CSMD1: variants seen among roughly 807,000 people sequenced by gnomAD.
The protein encoded by CSMD1 is CUB and sushi domain-containing protein 1.
A neutral mutation model predicts 417.5 loss-of-function variants in CSMD1; 213 were observed. The ratio of observed to expected loss-of-function variants is 0.51; its 90% confidence interval spans 0.46 to 0.57. CSMD1 has a LOEUF of 0.57. Among genes scored for constraint, CSMD1 ranks in the 20% least tolerant of loss-of-function variants. CSMD1 has a pLI of 0.00. For synonymous variants in CSMD1, 2,862 were observed against 1,736.8 expected (o/e 1.65, Z -16.11); for missense variants, 6,923 against 4,529.7 (o/e 1.53, Z -15.17).
intron 3 of CSMD1, among the ~76,000 whole-genome samples, chr8:4,243,326 C>G (rs1422872943): frequency 6.6e-6 from 1 of 152,074 alleles, no homozygotes; most frequent in Non-Finnish European, 1.5e-5. Flanking sequence ...TCTGAAATTG[C>G]TGTACTAAAG....
At chr8:3,926,928 A>C (rs933811680) in intron 5 of CSMD1, among the ~76,000 whole-genome samples, 1 of 151,542 alleles carries the variant, frequency 6.6e-6, no homozygotes, top group Non-Finnish European at 1.5e-5. Flanking sequence ...GTTGGCCAGG[A>C]TGGTCTCAAA....
intron 3 of CSMD1, among the ~76,000 whole-genome samples, chr8:4,198,157 G>C (rs1185354886): frequency 2.0e-5 from 3 of 152,208 alleles, no homozygotes; most frequent in East Asian, 3.9e-4. Context: ...ATGATCAGCA[G>C]TCCCGAAGCA....
At chr8:3,954,934 G>A (rs1157344083) in intron 5 of CSMD1, among the ~76,000 whole-genome samples, 1 of 152,162 alleles carries the variant, frequency 6.6e-6, no homozygotes, top group Non-Finnish European at 1.5e-5. Context: ...TAACACTTAT[G>A]CACAGAAAGT....
chr8:3,916,200 G>A (rs377348742), intron 5 of CSMD1, among the ~76,000 whole-genome samples: 8 of 152,092 alleles, frequency 5.3e-5, no homozygotes, highest in African/African-American at 1.9e-4. Context: ...TGATGAAGTA[G>A]AGACTTCCAG....
chr8:3,666,271 C>G (rs946410100), intron 7 of CSMD1, among the ~76,000 whole-genome samples: 1 of 152,112 alleles, frequency 6.6e-6, no homozygotes, highest in African/African-American at 2.4e-5. Flanking sequence ...CAGGTCTTAT[C>G]TTTTCTTTAG....
intron 39 of CSMD1, among the ~76,000 whole-genome samples, chr8:3,155,802 G>A (rs1183432356): frequency 2.0e-5 from 3 of 152,146 alleles, no homozygotes; most frequent in African/African-American, 4.8e-5. Flanking sequence ...TCACTTGTAA[G>A]CAACTATGAT....
chr8:3,951,971 G>A (rs1467914417), intron 5 of CSMD1, among the ~76,000 whole-genome samples: 1 of 151,966 alleles, frequency 6.6e-6, no homozygotes, highest in African/African-American at 2.4e-5. Context: ...AATAATAAAG[G>A]AAATTTTCCC....
At chr8:4,641,601 G>T (rs1410578635) in intron 1 of CSMD1, among the ~76,000 whole-genome samples, 1 of 152,160 alleles carries the variant, frequency 6.6e-6, no homozygotes, top group Non-Finnish European at 1.5e-5. Context: ...TTCTGGGAAT[G>T]AATCAAGGTC....
intron 2 of CSMD1, among the ~76,000 whole-genome samples, chr8:4,612,135 G>T (rs879652007): frequency 2.6e-5 from 4 of 152,132 alleles, no homozygotes; most frequent in Non-Finnish European, 5.9e-5. Context: ...CTCACACTAG[G>T]AGCAGAGACC....
At chr8:4,579,047 C>A (rs890506342) in intron 2 of CSMD1, among the ~76,000 whole-genome samples, 6 of 151,482 alleles carry the variant, frequency 4.0e-5, no homozygotes, top group African/African-American at 1.5e-4. Context: ...TTAGACACTG[C>A]AAAAGATATC....
chr8:3,197,323 C>G (rs1339787060), intron 33 of CSMD1, among the ~76,000 whole-genome samples: 1 of 152,110 alleles, frequency 6.6e-6, no homozygotes, highest in Non-Finnish European at 1.5e-5. Flanking sequence ...TGTCTGTTAA[C>G]AAGGGTTAGC....
At chr8:3,053,368 G>C (rs546757330) in intron 49 of CSMD1, among the ~76,000 whole-genome samples, 26 of 152,282 alleles carry the variant, frequency 1.7e-4, no homozygotes, top group African/African-American at 6.0e-4. Context: ...GCTTATTGCA[G>C]TGTAGACTCT....
chr8:4,190,954 G>T lies in CSMD1; in HGVS notation c.416-158855C>A, dbSNP rs780227382. 1.3e-4 allele frequency among the ~76,000 whole-genome samples: 19 copies of T among 147,660 alleles called. 1 individual carries two copies. The highest frequency in any genetic ancestry group is 3.4e-3 in the Middle Eastern group (1 of 294). The stretch of plus-strand genomic sequence containing the variant: ...CACAAACTGCGGCTCAGTGGAGAGT[G>T]GGGGGGGCGGGGAAGGGAGAGGATC... On this transcript the variant is annotated intron_variant, in intron 3 of 69. Coordinates refer to ENST00000635120, the MANE Select transcript of CSMD1 (RefSeq NM_033225.6).
At chr8:3,529,901 C>T (rs373056806) in intron 10 of CSMD1, among the ~76,000 whole-genome samples, 3 of 152,252 alleles carry the variant, frequency 2.0e-5, no homozygotes, top group East Asian at 3.9e-4. Flanking sequence ...TTATGGAAAG[C>T]CGAGGCCTTT....
intron 1 of CSMD1, among the ~76,000 whole-genome samples, chr8:4,773,867 G>A (rs1796716727): frequency 6.6e-6 from 1 of 152,134 alleles, no homozygotes; most frequent in Non-Finnish European, 1.5e-5. Flanking sequence ...AAACTCACCA[G>A]TGCCCAAACT....
At chr8:4,050,462 T>C (rs1212961958) in intron 3 of CSMD1, among the ~76,000 whole-genome samples, 3 of 152,200 alleles carry the variant, frequency 2.0e-5, no homozygotes. Context: ...CATATTTTGA[T>C]ACAGGCATAC....
At chr8:4,497,949 G>A (rs1407533806) in intron 2 of CSMD1, among the ~76,000 whole-genome samples, 1 of 152,128 alleles carries the variant, frequency 6.6e-6, no homozygotes, top group Non-Finnish European at 1.5e-5. Flanking sequence ...CTGCCCGTGG[G>A]GTTTCCTAAA....
At chr8:3,636,313 G>A (rs1420069159) in intron 7 of CSMD1, among the ~76,000 whole-genome samples, 24 of 152,162 alleles carry the variant, frequency 1.6e-4, no homozygotes. Flanking sequence ...TACAGGCCGG[G>A]ATTACAGGCA....
intron 7 of CSMD1, among the ~76,000 whole-genome samples, chr8:3,632,458 G>C (rs1361115964): frequency 6.6e-6 from 1 of 152,014 alleles, no homozygotes; most frequent in Non-Finnish European, 1.5e-5. Context: ...AACACCAAAA[G>C]TGCCTACATA....
Sources: allele counts gnomAD v4.1 joint callset (sites outside exome capture counted in the v4.1 genomes callset), GRCh38; gene constraint gnomAD v4.1.1; transcripts MANE v1.5; gene names NCBI Gene and HGNC (gene_info 2026-07-23, HGNC 2026-07-21).